The following CDH10 variants were observed in gnomAD, a reference collection of about 807,000 sequenced individuals.
CDH10 encodes the protein cadherin 10, also known as cadherin-10.
In CDH10, 30 loss-of-function variants were observed where a neutral mutation model predicts 73.1. That is an observed-to-expected ratio of 0.41 (90% CI 0.31 to 0.56). The LOEUF (loss-of-function observed/expected upper bound fraction) is 0.56, where lower values mean the gene tolerates loss of function less well. CDH10 is among the 20% of genes least tolerant of loss of function. CDH10 has a pLI of 0.27. For missense variants in CDH10, 815 were observed against 973.7 expected (o/e 0.84, Z 2.17); for synonymous variants, 345 against 348.2 (o/e 0.99, Z 0.10).
At chr5:24,508,532 C>CT (rs1391409917) in intron 7 of CDH10, among the ~76,000 whole-genome samples, 1 of 152,032 alleles carries the variant, frequency 6.6e-6, no homozygotes. Flanking sequence ...TTACTTTTTT[C>CT]TTTTTTTACA....
intron 1 of CDH10, among the ~76,000 whole-genome samples, chr5:24,638,376 A>G (rs988580530): frequency 1.3e-5 from 2 of 151,602 alleles, no homozygotes; most frequent in Admixed American, 6.6e-5. Flanking sequence ...GAAGGGGGGG[A>G]AGTCACTTCT....
intron 8 of CDH10, among the ~76,000 whole-genome samples, chr5:24,500,077 A>C (rs1742435706): frequency 6.6e-6 from 1 of 152,256 alleles, no homozygotes; most frequent in South Asian, 2.1e-4. Context: ...GGCTGTGGAT[A>C]TCATTTTGCC....
At chr5:24,545,223 G>C (rs938444979) in intron 2 of CDH10, among the ~76,000 whole-genome samples, 1 of 152,100 alleles carries the variant, frequency 6.6e-6, no homozygotes, top group Non-Finnish European at 1.5e-5. Context: ...AAATGACATT[G>C]AACGTTTTTA....
At chr5:24,526,399 C>A (rs1325091522) in intron 5 of CDH10, among the ~76,000 whole-genome samples, 1 of 151,852 alleles carries the variant, frequency 6.6e-6, no homozygotes, top group Non-Finnish European at 1.5e-5. Flanking sequence ...AAACATTTAG[C>A]CTAGCTGATA....
chr5:24,507,743 T>C lies in CDH10; in HGVS notation c.1256+1823A>G, dbSNP rs58999811. 1.8e-3 allele frequency among the ~76,000 whole-genome samples: 276 copies of C among 152,070 alleles called. 1 individual carries two copies. Among genetic ancestry groups the C allele is most frequent in the African/African-American group, 6.2e-3 (256 of 41,486 alleles). Reference sequence around the variant, plus strand: ...GAAGAAAATTAGGCCTGTGTATTGGTTATATAAAACTTTCAAAGGAAAAAG... The same window carrying C: ...GAAGAAAATTAGGCCTGTGTATTGGCTATATAAAACTTTCAAAGGAAAAAG... On this transcript the variant is annotated intron_variant, in intron 7 of 11. Transcript: ENST00000264463.
At chr5:24,632,695 A>C (rs1747745340) in intron 1 of CDH10, among the ~76,000 whole-genome samples, 1 of 151,986 alleles carries the variant, frequency 6.6e-6, no homozygotes, top group Non-Finnish European at 1.5e-5. Context: ...TAACATAGAG[A>C]TCATTATTAT....
intron 5 of CDH10, among the ~76,000 whole-genome samples, chr5:24,513,076 G>A (rs1742982517): frequency 6.6e-6 from 1 of 151,376 alleles, no homozygotes; most frequent in Non-Finnish European, 1.5e-5. Flanking sequence ...CTGGAGTGCA[G>A]TGACATGATC....
chr5:24,631,923 T>C (rs1434579131), intron 1 of CDH10, among the ~76,000 whole-genome samples: 2 of 152,054 alleles, frequency 1.3e-5, no homozygotes, highest in Admixed American at 6.6e-5. Flanking sequence ...AGAATTAAAA[T>C]CATTTGTCAA....
rs773060107 is a variant in CDH10, at chr5:24,535,171, G to T, written c.755C>A (p.Thr252Lys). Reference sequence around the variant, plus strand: ...TGTCAGCGTGATGTTCACAGTGGTTGTCCCCGATAAGCCTCCCATCTGGCC... The same window carrying T: ...TGTCAGCGTGATGTTCACAGTGGTTTTCCCCGATAAGCCTCCCATCTGGCC... ...MGGQMGGLSG[T>K]TTVNITLTDV... The change falls in exon 5 of 12, where the codon ACA (threonine) becomes AAA (lysine). Residue 252 changes from threonine (T) to lysine (K), a missense_variant. By Grantham distance (78) the Thr-to-Lys change is moderately conservative. Transcript: ENST00000264463. 4 of 1,613,442 alleles carry T rather than the reference G, an allele frequency of 2.5e-6. No homozygotes were observed. The highest frequency in any genetic ancestry group is 3.4e-6 in the Non-Finnish European group (4 of 1,179,676).
chr5:24,535,682 C>T lies in CDH10; in HGVS notation c.646+21G>A, dbSNP rs373867251. 109 of 1,596,732 alleles carry T rather than the reference C, an allele frequency of 6.8e-5. No homozygotes were observed. In the African/African-American group the frequency reaches 1.4e-3, roughly 20 times the overall value. ...TCATAAAGATGATCAAATGAACAAA[C>T]AGCAATTCATGATTCCTGACCTGTT... is the stretch of plus-strand genomic sequence containing the variant. On this transcript the variant is annotated intron_variant, in intron 4 of 11. Coordinates refer to ENST00000264463, the MANE Select transcript of CDH10 (RefSeq NM_006727.5).
intron 5 of CDH10, among the ~76,000 whole-genome samples, chr5:24,522,161 AC>A (rs74270128): frequency 5.3e-5 from 6 of 112,514 alleles, no homozygotes; most frequent in Non-Finnish European, 1.2e-4. Context: ...AACAAAACAA[AC>A]AAACAAACAA....
chr5:24,535,198 C>T lies in CDH10; in HGVS notation c.728G>A (p.Gly243Asp), dbSNP rs1284910654. The T allele has an allele frequency of 2.5e-6, 4 of 1,613,476 alleles. No homozygotes were observed. Among genetic ancestry groups the T allele is most frequent in the Non-Finnish European group, 3.4e-6 (4 of 1,179,642 alleles). The change falls in exon 5 of 12, where the codon GGC (glycine) becomes GAC (aspartate). Residue 243 changes from glycine to aspartate, a missense_variant. Around this residue, in one of 3 missense-constraint regions of CDH10, gnomAD observed 516 missense variants for 636.6 expected, o/e 0.81. Coordinates refer to ENST00000264463, the MANE Select transcript of CDH10 (RefSeq NM_006727.5). ...CCCCGATAAGCCTCCCATCTGGCCG[C>T]CCATGTCTTTGGCCTGGATGACCAC... is the stretch of plus-strand genomic sequence containing the variant. ...YQVVIQAKDMGGQMGGLSGTT... is the reference protein window; with the variant it reads ...YQVVIQAKDMDGQMGGLSGTT...
intron 5 of CDH10, among the ~76,000 whole-genome samples, chr5:24,527,751 A>G (rs79265074): frequency 0.019 from 2,910 of 152,002 alleles, 95 homozygotes; most frequent in African/African-American, 0.067. Context: ...CATTGACTGA[A>G]ATGTCACTAT....
intron 2 of CDH10, among the ~76,000 whole-genome samples, chr5:24,563,597 C>CAAAAAAAAAA (rs70965616): frequency 9.0e-5 from 8 of 88,714 alleles, no homozygotes; most frequent in East Asian, 3.4e-4. Context: ...ACTAAAAATA[C>CAAAAAAAAAA]AAAAAAAAAA....
intron 10 of CDH10, 24 bp from the exon 11 acceptor site, chr5:24,491,851 C>T: frequency 1.3e-6 from 2 of 1,526,868 alleles, no homozygotes; most frequent in Non-Finnish European, 1.8e-6. Context: ...TAAAATATTA[C>T]AAATGGTTTG....
At chr5:24,629,484 T>G (rs1443698261) in intron 1 of CDH10, among the ~76,000 whole-genome samples, 1 of 150,288 alleles carries the variant, frequency 6.7e-6, no homozygotes, top group East Asian at 1.9e-4. Flanking sequence ...TGCTTTAAAG[T>G]TTCTCCTCTT....
chr5:24,629,194 A>C lies in CDH10; in HGVS notation c.-124+15400T>G, dbSNP rs111521186. On this transcript the variant is annotated intron_variant, in intron 1 of 11. Coordinates refer to ENST00000264463, the MANE Select transcript of CDH10 (RefSeq NM_006727.5). ...TACCATAAGCCTACTTTAAGGAATAAATACTTGTCATTTTCAATGTATTTA... is the reference window on the plus strand; with the variant it reads ...TACCATAAGCCTACTTTAAGGAATACATACTTGTCATTTTCAATGTATTTA... 1.2e-3 allele frequency among the ~76,000 whole-genome samples: 177 copies of C among 152,296 alleles called. 1 individual carries two copies. The highest frequency in any genetic ancestry group is 3.8e-3 in the African/African-American group (158 of 41,574).
At chr5:24,490,887 T>C (rs1742029892) in intron 11 of CDH10, among the ~76,000 whole-genome samples, 1 of 152,242 alleles carries the variant, frequency 6.6e-6, no homozygotes, top group South Asian at 2.1e-4. Flanking sequence ...ATTGTTATTC[T>C]AACAAATGTT....
At position 24,644,576 on chromosome 5, in the gene CDH10, G is replaced by C. The variant is rs1260980656; in HGVS notation, c.-124+18C>G. 1 of 150,318 alleles carries C rather than the reference G, an allele frequency of 6.7e-6. No homozygotes were observed. Among genetic ancestry groups the C allele is most frequent in the Non-Finnish European group, 1.5e-5 (1 of 67,774 alleles). 9.3% of individuals were successfully genotyped at this position (150,318 alleles called of 1,614,324 possible). ...AATACCTTAACGGAGTTAAAAGAAA[G>C]AGGTGAAGTCTTCCTACCTTTTTTA... On this transcript the variant is annotated intron_variant, in intron 1 of 11. Transcript: ENST00000264463.
Sources: gnomAD v4.1 joint callset for allele counts (sites outside exome capture counted in the v4.1 genomes callset) on GRCh38, gnomAD v4.1.1 for gene constraint, gnomAD v4.1.1 regional missense constraint, MANE v1.5 for transcripts, NCBI Gene and HGNC (gene_info 2026-07-23, HGNC 2026-07-21) for gene names.